MAF: variants seen among roughly 807,000 people sequenced by gnomAD.
MAF encodes the protein transcription factor Maf.
MAF carries 10 observed loss-of-function variants against 22.0 expected under a neutral mutation model. The observed-to-expected ratio is 0.45, with a 90% CI of 0.28 to 0.77. The LOEUF is 0.77. Among genes scored for constraint, MAF ranks in the 30% least tolerant of loss-of-function variants. The pLI, the probability that MAF is intolerant of heterozygous loss-of-function variation, is 0.12. For missense variants in MAF, 544 were observed against 548.4 expected (o/e 0.99, Z 0.08); for synonymous variants, 337 against 255.8 (o/e 1.32, Z -3.03).
chr16:79,379,586 T>C, the MAF span, among the ~76,000 whole-genome samples: 1 of 152,196 alleles, frequency 6.6e-6, no homozygotes, highest in South Asian at 2.1e-4. Context: ...GGTAATTCTA[T>C]ATGAAACTGT....
At chr16:79,459,568 C>G in the MAF span, among the ~76,000 whole-genome samples, 3 of 151,946 alleles carry the variant, frequency 2.0e-5, no homozygotes, top group Admixed American at 1.3e-4. Flanking sequence ...TAAGTTCTTA[C>G]TTATTCTCAC....
At chr16:79,270,083 C>G in the MAF span, among the ~76,000 whole-genome samples, 3 of 151,966 alleles carry the variant, frequency 2.0e-5, no homozygotes, top group African/African-American at 7.3e-5. Context: ...AGTCTCCTAG[C>G]TACCTCTTCT....
chr16:79,331,648 C>T, the MAF span, among the ~76,000 whole-genome samples: 1 of 152,210 alleles, frequency 6.6e-6, no homozygotes, highest in Non-Finnish European at 1.5e-5. Context: ...GAGCCACAGA[C>T]ATCCTTTAAA....
the MAF span, among the ~76,000 whole-genome samples, chr16:79,351,564 G>C: frequency 6.6e-6 from 1 of 152,042 alleles, no homozygotes; most frequent in Non-Finnish European, 1.5e-5. Context: ...GAGTCACAGA[G>C]ACCCAGAATC....
chr16:79,231,759 G>C, the MAF span, among the ~76,000 whole-genome samples: 7 of 152,166 alleles, frequency 4.6e-5, no homozygotes, highest in South Asian at 1.5e-3. Flanking sequence ...GTGGCAGATG[G>C]TTTCGGGATG....
chr16:79,553,711 A>G, the MAF span, among the ~76,000 whole-genome samples: 11 of 152,236 alleles, frequency 7.2e-5, no homozygotes, highest in Non-Finnish European at 1.3e-4. Flanking sequence ...AAGGGCGTCT[A>G]GCATGGCAGA....
chr16:79,526,352 C>G, the MAF span, among the ~76,000 whole-genome samples: 4 of 152,286 alleles, frequency 2.6e-5, no homozygotes, highest in South Asian at 2.1e-4. Context: ...GGTTCGTGCA[C>G]CTATGAGAAT....
chr16:79,427,386 AACAGCCCCATT>A, the MAF span, among the ~76,000 whole-genome samples: 1 of 152,208 alleles, frequency 6.6e-6, no homozygotes, highest in Non-Finnish European at 1.5e-5. Context: ...ACAGGGCTTG[AACAGCCCCATT>A]CATCGGTGAT....
chr16:79,503,251 C>A, the MAF span, among the ~76,000 whole-genome samples: 6 of 152,146 alleles, frequency 3.9e-5, no homozygotes, highest in African/African-American at 1.4e-4. Flanking sequence ...TCACTCAACA[C>A]GTTTTTATTG....
the MAF span, among the ~76,000 whole-genome samples, chr16:79,551,703 T>C: frequency 1.3e-5 from 2 of 152,206 alleles, no homozygotes; most frequent in Non-Finnish European, 2.9e-5. Flanking sequence ...GTCAAAAGAA[T>C]AGTATTTAAT....
At chr16:79,416,971 A>T in the MAF span, among the ~76,000 whole-genome samples, 1 of 152,210 alleles carries the variant, frequency 6.6e-6, no homozygotes, top group Non-Finnish European at 1.5e-5. Flanking sequence ...CCAGCACACC[A>T]GCTTTATATT....
At chr16:79,574,881 T>G in the MAF span, among the ~76,000 whole-genome samples, 1 of 152,138 alleles carries the variant, frequency 6.6e-6, no homozygotes, top group Non-Finnish European at 1.5e-5. Context: ...ACCTCAGACA[T>G]GCTGAGTTGT....
chr16:79,515,476 G>A, the MAF span, among the ~76,000 whole-genome samples: 3 of 152,166 alleles, frequency 2.0e-5, no homozygotes, highest in South Asian at 2.1e-4. Flanking sequence ...CAGACTTTGC[G>A]TTTGATGATT....
At chr16:79,254,921 T>C in the MAF span, among the ~76,000 whole-genome samples, 1 of 152,220 alleles carries the variant, frequency 6.6e-6, no homozygotes, top group Non-Finnish European at 1.5e-5. Flanking sequence ...TTCTTTGTTT[T>C]AAGAAAAATT....
chr16:79,373,788 C>T, the MAF span, among the ~76,000 whole-genome samples: 4 of 152,158 alleles, frequency 2.6e-5, no homozygotes, highest in African/African-American at 9.7e-5. Flanking sequence ...AGCAAGAAGG[C>T]CCTCACCAGA....
the MAF span, among the ~76,000 whole-genome samples, chr16:79,238,620 G>C: frequency 6.6e-6 from 1 of 151,880 alleles, no homozygotes; most frequent in South Asian, 2.1e-4. Context: ...TGGGAATGAG[G>C]TTGCCAGATT....
chr16:79,476,715 C>T, the MAF span, among the ~76,000 whole-genome samples: 1 of 152,162 alleles, frequency 6.6e-6, no homozygotes, highest in African/African-American at 2.4e-5. Flanking sequence ...GCAGAGACAA[C>T]TGTGGTGAGA....
At chr16:79,432,321 A>C in the MAF span, among the ~76,000 whole-genome samples, 1 of 152,156 alleles carries the variant, frequency 6.6e-6, no homozygotes, top group East Asian at 1.9e-4. Flanking sequence ...CCTCTTTATC[A>C]ATTACTCAGT....
At chr16:79,485,100 C>T in the MAF span, among the ~76,000 whole-genome samples, 1 of 152,134 alleles carries the variant, frequency 6.6e-6, no homozygotes, top group Admixed American at 6.5e-5. Flanking sequence ...AAGAATTTAG[C>T]ATGAGACGTG....
Sources: allele counts gnomAD v4.1 joint callset (sites outside exome capture counted in the v4.1 genomes callset), GRCh38; gene constraint gnomAD v4.1.1; transcripts MANE v1.5; gene names NCBI Gene and HGNC (gene_info 2026-07-23, HGNC 2026-07-21).